AKAP8: variants seen among roughly 807,000 people sequenced by gnomAD.
The protein encoded by AKAP8 is A-kinase anchoring protein 8, also known as A-kinase anchor protein 8.
AKAP8 carries 24 observed loss-of-function variants against 67.5 expected under a neutral mutation model. That is an observed-to-expected ratio of 0.36 (90% CI 0.26 to 0.50). The LOEUF (loss-of-function observed/expected upper bound fraction) is 0.50. Among genes scored for constraint, AKAP8 ranks in the 20% least tolerant of loss-of-function variants. The pLI is 0.97. For synonymous variants in AKAP8, 400 were observed against 371.1 expected, an observed-to-expected ratio of 1.08 and a Z score of -0.90; for missense variants, 971 against 955.9, an observed-to-expected ratio of 1.02 and a Z score of -0.21.
intron 9 of AKAP8, among the ~76,000 whole-genome samples, chr19:15,366,381 T>C (rs1279783292): frequency 2.0e-5 from 3 of 152,106 alleles, no homozygotes; most frequent in Non-Finnish European, 4.4e-5. Context: ...CTCTATCCAT[T>C]TATCTGTTTA....
intron 7 of AKAP8, among the ~76,000 whole-genome samples, chr19:15,371,493 T>TC (rs1292444016): frequency 1.4e-5 from 2 of 146,800 alleles, no homozygotes; most frequent in East Asian, 3.9e-4. Flanking sequence ...GTTGAAAACT[T>TC]TTTTTTTTTT....
In AKAP8 at chr19:15,354,948, A is replaced by C. The variant is rs201831883; in HGVS notation, c.2046T>G (p.Asp682Glu). ...AAADAEVEQT[D>E]AESKDAVPTE Reference sequence around the variant, plus strand: ...TGGGAACAGCGTCTTTAGACTCTGCATCAGTTTGTTCCACTTCAGCATCCG... The same window carrying C: ...TGGGAACAGCGTCTTTAGACTCTGCCTCAGTTTGTTCCACTTCAGCATCCG... Residue 682 changes from aspartate (D) to glutamate (E), a missense_variant, in exon 14 of 14, where the codon GAT becomes GAG. Around this residue, in one of 3 missense-constraint regions of AKAP8, gnomAD observed 204 missense variants for 193.0 expected, o/e 1.06. Coordinates refer to ENST00000269701, the MANE Select transcript of AKAP8 (RefSeq NM_005858.4). The C allele has an allele frequency of 5.5e-5, 89 of 1,614,060 alleles. No homozygotes were observed. The highest frequency in any genetic ancestry group is 7.3e-5 in the Non-Finnish European group (86 of 1,180,054).
chr19:15,364,057 A>AAAATAAAT (rs71176405), intron 9 of AKAP8, among the ~76,000 whole-genome samples: 9 of 83,036 alleles, frequency 1.1e-4, no homozygotes, highest in Admixed American at 1.7e-4. Context: ...ATGATCAATA[A>AAAATAAAT]AAATAAATAA....
At chr19:15,373,641 C>T (rs947965206) in intron 4 of AKAP8, 145 bp downstream of exon 4, 2 of 1,097,020 alleles carry the variant, frequency 1.8e-6, no homozygotes, top group Admixed American at 2.9e-5. Context: ...TGTAACATCA[C>T]TGACCCCCCA....
chr19:15,368,378 T>C, intron 8 of AKAP8, 56 bp from the exon 9 acceptor site: 1 of 1,610,740 alleles, frequency 6.2e-7, no homozygotes, highest in African/African-American at 1.3e-5. Flanking sequence ...GGAGCTGAGC[T>C]CCAGGGCCTG....
At position 15,379,678 on chromosome 19, in the gene AKAP8, C is replaced by G. The variant is rs535428626; in HGVS notation, c.19+35G>C. The G allele has an allele frequency of 1.5e-5, 24 of 1,602,334 alleles. 1 individual carries two copies. In the African/African-American group the frequency reaches 1.6e-4, roughly 11 times the overall value. ...GGCTGCGTCGCCCGCACAGAGCCTT[C>G]CCTCCCCGCTCCGCACCCAGCAGCC... On this transcript the variant is annotated intron_variant, in intron 1 of 13. Transcript: ENST00000269701.
chr19:15,356,328 C>T (rs942270344), intron 13 of AKAP8, among the ~76,000 whole-genome samples: 1 of 151,990 alleles, frequency 6.6e-6, no homozygotes, highest in Non-Finnish European at 1.5e-5. Context: ...TGGCGTGAAC[C>T]TGGGAGGCGG....
intron 7 of AKAP8, among the ~76,000 whole-genome samples, chr19:15,371,364 C>A (rs922820755): frequency 6.6e-6 from 1 of 152,172 alleles, no homozygotes; most frequent in Non-Finnish European, 1.5e-5. Context: ...ACGGAGCTGG[C>A]GGCAAATGAG....
In AKAP8 at chr19:15,370,108, A is replaced by T. The variant is rs748053285; in HGVS notation, c.1072+38T>A. On this transcript the variant is annotated intron_variant, in intron 8 of 13. Transcript: ENST00000269701. ...GGCAGTAAGTGCGGGGCAGCTGGGA[A>T]GACACAGGAAAGCTGCAAGGGACAC... 1.2e-5 allele frequency: 20 copies of T among 1,613,060 alleles called. No homozygotes were observed. The Admixed American group carries it at 3.2e-4, about 26-fold the overall frequency.
chr19:15,362,956 C>T (rs1238859656), intron 9 of AKAP8, among the ~76,000 whole-genome samples: 8 of 151,700 alleles, frequency 5.3e-5, no homozygotes, highest in African/African-American at 2.4e-5. Context: ...AAGTGAGGAG[C>T]GTCTCTGCCC....
At chr19:15,372,157 C>G in intron 6 of AKAP8, 61 bp downstream of exon 6, 1 of 1,608,526 alleles carries the variant, frequency 6.2e-7, no homozygotes, top group Non-Finnish European at 8.5e-7. Context: ...GCAAGCAGAG[C>G]CCCCAGCAGG....
rs1967207861 is a variant in AKAP8, at chr19:15,373,955, G to C, written c.202C>G (p.Leu68Val). The C allele has an allele frequency of 6.2e-7, 1 of 1,613,590 alleles. No individual in the cohort carries two copies. Among genetic ancestry groups the C allele is most frequent in the Non-Finnish European group, 8.5e-7 (1 of 1,179,876 alleles). Residue 68 changes from leucine to valine, a missense_variant, in exon 4 of 14, where the codon CTG becomes GTG. By Grantham distance (32) the Leu-to-Val change is conservative. This residue lies in a region of AKAP8 where 763 missense variants were observed against 745.4 expected (regional missense o/e 1.02). Coordinates refer to ENST00000269701, the MANE Select transcript of AKAP8 (RefSeq NM_005858.4). Reference protein sequence around the residue: ...WEAAKANDGGLAAGAPAMHMA... With the variant: ...WEAAKANDGGVAAGAPAMHMA... ...TGCATGGCAGGGGCCCCGGCCGCCA[G>C]GCCGCCATCATTGGCCTTGGCGGCC...
Position 15,369,514 on chromosome 19 carries a change from G to A in AKAP8, c.1072+632C>T, listed in dbSNP as rs1455840937. On this transcript the variant is annotated intron_variant, in intron 8 of 13. Coordinates refer to ENST00000269701, the MANE Select transcript of AKAP8 (RefSeq NM_005858.4). This position sits in a 1 kb window ranked among gnomAD's most constrained non-coding sequence, Gnocchi z 4.6. ...GCTCCAGGCCGCGGCACCTCAGGCCGCTCTGCCATGAGGGATTTAAGCCTG... is the reference window on the plus strand; with the variant it reads ...GCTCCAGGCCGCGGCACCTCAGGCCACTCTGCCATGAGGGATTTAAGCCTG... Among the ~76,000 whole-genome samples the A allele has an allele frequency of 6.6e-6, 1 of 152,210 alleles. No homozygotes were observed. The highest frequency in any genetic ancestry group is 2.1e-4 in the South Asian group (1 of 4,830).
intron 2 of AKAP8, among the ~76,000 whole-genome samples, chr19:15,375,692 A>G (rs1967239971): frequency 6.8e-6 from 1 of 148,054 alleles, no homozygotes; most frequent in East Asian, 2.0e-4. Flanking sequence ...GCTGAAGTGC[A>G]GTGGCGCGAT....
intron 9 of AKAP8, among the ~76,000 whole-genome samples, chr19:15,363,307 G>A (rs1967006918): frequency 6.8e-6 from 1 of 147,724 alleles, no homozygotes; most frequent in African/African-American, 2.5e-5. Flanking sequence ...CTACTGGGAA[G>A]TGAGGAGACC....
chr19:15,354,857 G>C lies in AKAP8; in HGVS notation c.*58C>G. On this transcript the variant is annotated 3_prime_UTR_variant, in exon 14 of 14. Coordinates refer to ENST00000269701, the MANE Select transcript of AKAP8 (RefSeq NM_005858.4). Reference sequence around the variant, plus strand: ...GCCCTTGTACTGCTTACAAACCAAGGGAGAAAGACCAACGCATCCATCATC... The same window carrying C: ...GCCCTTGTACTGCTTACAAACCAAGCGAGAAAGACCAACGCATCCATCATC... The C allele has an allele frequency of 6.3e-7, 1 of 1,585,106 alleles. No homozygotes were observed. Among genetic ancestry groups the C allele is most frequent in the Non-Finnish European group, 8.6e-7 (1 of 1,163,492 alleles).
At chr19:15,374,265 C>T (rs768824318) in intron 3 of AKAP8, among the ~76,000 whole-genome samples, 200 bp from the exon 4 acceptor site, 2 of 152,180 alleles carry the variant, frequency 1.3e-5, no homozygotes, top group South Asian at 2.1e-4. Context: ...GCCTCAGTGC[C>T]GAGCGGCGGG....
rs1455044053 is a variant in AKAP8, at chr19:15,353,793, G to A, written c.*1122C>T. On this transcript the variant is annotated 3_prime_UTR_variant, in exon 14 of 14. Transcript: ENST00000269701. ...ACACAGCAGGGCCATTTCAAAAGGG[G>A]AGGATCTTCCAATTCTTCTGATTTT... 2.0e-5 allele frequency: 3 copies of A among 152,118 alleles called. No individual in the cohort carries two copies. The highest frequency in any genetic ancestry group is 7.2e-5 in the African/African-American group (3 of 41,418). 9.4% of individuals were successfully genotyped at this position (152,118 alleles called of 1,614,324 possible). A position where few individuals can be genotyped will look rare whatever the true frequency, so the allele number is the denominator to read the frequency against.
rs1307135873 is a variant in AKAP8 at position 15,369,163 on chromosome 19, G to A, written c.1073-841C>T. 3.0e-6 allele frequency: 3 copies of A among 985,396 alleles called. No homozygotes were observed. Among genetic ancestry groups the A allele is most frequent in the Non-Finnish European group, 2.4e-6 (2 of 829,988 alleles). The allele number at this position is 985,396 out of a possible 1,614,324, so 61.0% of individuals were successfully genotyped here. ...GGGCGTGTGGGATTTTTGGCAAGAG[G>A]TCACTGCCTGAAACTATGACTGCTG... is the stretch of plus-strand genomic sequence containing the variant. On this transcript the variant is annotated intron_variant, in intron 8 of 13. Transcript: ENST00000269701. This position sits in a 1 kb window ranked among gnomAD's most constrained non-coding sequence, Gnocchi z 4.6.
Sources: allele counts gnomAD v4.1 joint callset (sites outside exome capture counted in the v4.1 genomes callset), GRCh38; gene constraint gnomAD v4.1.1; regional missense constraint gnomAD v4.1.1; non-coding constraint Gnocchi (gnomAD v3.1); transcripts MANE v1.5; gene names NCBI Gene and HGNC (gene_info 2026-07-23, HGNC 2026-07-21).